Variants in NEK1 observed in about 807,000 individuals in gnomAD.
NEK1 encodes the protein NIMA related kinase 1.
Under a neutral mutation model 182.1 loss-of-function variants are expected in NEK1, and 137 were observed. That is an observed-to-expected ratio of 0.75 (90% CI 0.65 to 0.87). NEK1 has a LOEUF of 0.87. Ranked by LOEUF, NEK1 falls within the 40% of genes least tolerant of loss-of-function variation. The pLI, the probability that NEK1 is intolerant of heterozygous loss-of-function variation, is 0.00. For missense variants in NEK1, 1,391 were observed against 1,494.4 expected (o/e 0.93, Z 1.14); for synonymous variants, 513 against 492.2 (o/e 1.04, Z -0.56).
intron 19 of NEK1, among the ~76,000 whole-genome samples, chr4:169,531,093 A>C (rs1757602221): frequency 6.6e-6 from 1 of 151,944 alleles, no homozygotes; most frequent in South Asian, 2.1e-4. Context: ...CTGAGAAGAA[A>C]ATAATTCTAT....
At chr4:169,470,611 GCA>G (rs1745779795) in intron 26 of NEK1, among the ~76,000 whole-genome samples, 3 of 152,094 alleles carry the variant, frequency 2.0e-5, no homozygotes, top group African/African-American at 7.2e-5. Flanking sequence ...GTTGCTCTTC[GCA>G]AGGAGTATCT....
intron 24 of NEK1, among the ~76,000 whole-genome samples, chr4:169,479,138 C>T (rs142063415): frequency 1.4e-4 from 22 of 152,046 alleles, no homozygotes; most frequent in African/African-American, 4.1e-4. Flanking sequence ...CAGTACATTT[C>T]TCTGTATATT....
rs535800572 is a variant in NEK1 at position 169,494,769 on chromosome 4, C to G, written c.2007+12268G>C. 9.2e-5 allele frequency among the ~76,000 whole-genome samples: 14 copies of G among 152,288 alleles called. No homozygotes were observed. In the South Asian group the frequency reaches 2.7e-3, roughly 29 times the overall value. On this transcript the variant is annotated intron_variant, in intron 23 of 35. Coordinates refer to ENST00000507142, the MANE Select transcript of NEK1 (RefSeq NM_001199397.3). ...TCCTCTCCAGCACCTGTTGTTTCCT[C>G]ACTTTTTAGTGATTGCCATTCTAAC...
At chr4:169,521,991 C>G (rs1222783803) in intron 19 of NEK1, among the ~76,000 whole-genome samples, 1 of 152,150 alleles carries the variant, frequency 6.6e-6, no homozygotes, top group African/African-American at 2.4e-5. Context: ...TTTCTCCTGT[C>G]CTTTAAGCTT....
intron 23 of NEK1, among the ~76,000 whole-genome samples, chr4:169,497,368 C>T (rs11931695): frequency 0.19 from 29,249 of 151,722 alleles, 4,173 homozygotes; most frequent in African/African-American, 0.41. Flanking sequence ...CCTAGATTCA[C>T]TGATTTTTTG....
chr4:169,554,356 T>C (rs1386798979), intron 18 of NEK1: 1 of 145,806 alleles, frequency 6.9e-6, no homozygotes, highest in African/African-American at 2.6e-5. Context: ...AGGTCAAGGC[T>C]GCAAGTGAGC....
At chr4:169,426,027 G>T in intron 30 of NEK1, 119 bp downstream of exon 30, 2 of 705,828 alleles carry the variant, frequency 2.8e-6, no homozygotes, top group Non-Finnish European at 4.7e-6. Flanking sequence ...TTTTTTAAAT[G>T]ATTGAGATGA....
At chr4:169,585,179 A>G (rs1360392707) in intron 10 of NEK1, among the ~76,000 whole-genome samples, 170 bp downstream of exon 10, 1 of 152,052 alleles carries the variant, frequency 6.6e-6, no homozygotes, top group Non-Finnish European at 1.5e-5. Context: ...ACAGAGCAAT[A>G]CTCTGTCTGA....
chr4:169,399,220 G>A, intron 35 of NEK1, among the ~76,000 whole-genome samples: 1 of 151,706 alleles, frequency 6.6e-6, no homozygotes, highest in Admixed American at 6.6e-5. Context: ...ACTCTAGCCT[G>A]GACAACAGAG....
intron 10 of NEK1, among the ~76,000 whole-genome samples, chr4:169,581,241 C>G (rs1766606643): frequency 6.6e-6 from 1 of 151,806 alleles, no homozygotes; most frequent in South Asian, 2.1e-4. Context: ...CATGCTTACT[C>G]CCTCCCAATC....
intron 18 of NEK1, 95 bp downstream of exon 18, chr4:169,555,625 T>C (rs1232316996): frequency 1.3e-6 from 2 of 1,512,146 alleles, no homozygotes; most frequent in Non-Finnish European, 1.8e-6. Context: ...ATGTGAACAA[T>C]GGAGAAAACA....
At chr4:169,489,881 A>T (rs1749744335) in intron 23 of NEK1, among the ~76,000 whole-genome samples, 1 of 152,142 alleles carries the variant, frequency 6.6e-6, no homozygotes, top group African/African-American at 2.4e-5. Flanking sequence ...CCACCTTTGT[A>T]GAACAGCTTC....
intron 18 of NEK1, among the ~76,000 whole-genome samples, chr4:169,545,961 AG>A (rs1431189051): frequency 6.6e-6 from 1 of 152,220 alleles, no homozygotes. Context: ...GCTCACGGGT[AG>A]GAAGAATCAA....
At chr4:169,494,508 C>T (rs1311621625) in intron 23 of NEK1, among the ~76,000 whole-genome samples, 1 of 152,122 alleles carries the variant, frequency 6.6e-6, no homozygotes, top group Non-Finnish European at 1.5e-5. Flanking sequence ...TGTTGGACAT[C>T]TGGGTTGGTT....
At chr4:169,563,280 G>A (rs1004308965) in intron 12 of NEK1, among the ~76,000 whole-genome samples, 10 of 151,792 alleles carry the variant, frequency 6.6e-5, no homozygotes, top group Non-Finnish European at 1.5e-4. Context: ...AGGATCTCTT[G>A]AGCCCAGGAG....
At chr4:169,586,859 G>GA (rs977759163) in intron 9 of NEK1, among the ~76,000 whole-genome samples, 5 of 151,176 alleles carry the variant, frequency 3.3e-5, no homozygotes, top group African/African-American at 1.2e-4. Context: ...TTTTGGGGAA[G>GA]AAAAAAAAAT....
At chr4:169,589,357 A>T in intron 7 of NEK1, 90 bp downstream of exon 7, 1 of 780,824 alleles carries the variant, frequency 1.3e-6, no homozygotes, top group East Asian at 2.7e-5. Flanking sequence ...AATGTACTTA[A>T]AGATACCATA....
chr4:169,540,972 C>A (rs906692292), intron 18 of NEK1, among the ~76,000 whole-genome samples: 2 of 151,636 alleles, frequency 1.3e-5, no homozygotes, highest in Admixed American at 6.6e-5. Flanking sequence ...CAAGATTTGG[C>A]TGGGAACTGC....
At position 169,588,884 on chromosome 4, in the gene NEK1, G is replaced by A. The variant is rs535086909; in HGVS notation, c.465-149C>T. 1.6e-5 allele frequency: 10 copies of A among 623,320 alleles called. No homozygotes were observed. In the South Asian group the frequency reaches 1.9e-4, roughly 12 times the overall value. 38.6% of individuals were successfully genotyped at this position (623,320 alleles called of 1,614,324 possible). A position where few individuals can be genotyped will look rare whatever the true frequency, so the allele number is the denominator to read the frequency against. On this transcript the variant is annotated intron_variant, in intron 7 of 35. Transcript: ENST00000507142. ...AAAATTCCTATCACCTAGTGACACG[G>A]TGACTGACATACACTGTAGAGCAAT...
Sources: gnomAD v4.1 joint callset for allele counts (sites outside exome capture counted in the v4.1 genomes callset) on GRCh38, gnomAD v4.1.1 for gene constraint, MANE v1.5 for transcripts, NCBI Gene and HGNC (gene_info 2026-07-23, HGNC 2026-07-21) for gene names.